The following STS variants were observed in gnomAD, a reference collection of about 807,000 sequenced individuals.
STS encodes steryl-sulfatase.
STS carries 7 observed loss-of-function variants against 26.8 expected under a neutral mutation model. The observed-to-expected ratio is 0.26, with a 90% CI of 0.15 to 0.49. The LOEUF (loss-of-function observed/expected upper bound fraction) is 0.49, where lower values mean the gene tolerates loss of function less well. Among genes scored for constraint, STS ranks in the 20% least tolerant of loss-of-function variants. The probability of loss-of-function intolerance (pLI) is 0.98; values close to 1 mark genes in which losing one functional copy is unlikely to be tolerated. For synonymous variants in STS, 199 were observed against 189.4 expected, an observed-to-expected ratio of 1.05 and a Z score of -0.42; for missense variants, 434 against 465.6, an observed-to-expected ratio of 0.93 and a Z score of 0.63.
chrX:7,250,400 C>CT (rs1363018432), intron 2 of STS, among the ~76,000 whole-genome samples: 4 of 102,634 alleles, frequency 3.9e-5, no homozygotes, highest in African/African-American at 1.1e-4. Context: ...TTAAACCATG[C>CT]TTTAAAAAAA....
intron 7 of STS, among the ~76,000 whole-genome samples, chrX:7,301,196 C>T (rs758898129): frequency 6.8e-5 from 7 of 103,285 alleles, no homozygotes; most frequent in East Asian, 3.1e-4. Context: ...GAGACCAGCC[C>T]GGGCAACAAA....
intron 1 of STS, among the ~76,000 whole-genome samples, chrX:7,189,136 G>A (rs1456052806): frequency 1.8e-5 from 2 of 111,475 alleles, no homozygotes; most frequent in Admixed American, 1.9e-4. Context: ...ATTTTTCTCT[G>A]ATGTGATATT....
rs200993070 is a variant in STS at position 7,350,001 on chromosome X, G to C, written c.1477G>C (p.Asp493His). ...TTTCGGGAGTTATGTCACCCATCACGACCCACCTTTACTCTTTGATATTTC... is the reference window on the plus strand; with the variant it reads ...TTTCGGGAGTTATGTCACCCATCACCACCCACCTTTACTCTTTGATATTTC... ...FCFGSYVTHHDPPLLFDISKD... is the reference protein window; with the variant it reads ...FCFGSYVTHHHPPLLFDISKD... Residue 493 changes from aspartate (D) to histidine (H), a missense_variant, in exon 11 of 11, where the codon GAC (aspartate) becomes CAC (histidine). Coordinates refer to ENST00000674429, the MANE Select transcript of STS (RefSeq NM_001320752.2). The C allele has an allele frequency of 4.1e-6, 5 of 1,209,708 alleles. No homozygotes were observed. Among genetic ancestry groups the C allele is most frequent in the Admixed American group, 2.2e-5 (1 of 45,725 alleles).
intron 8 of STS, among the ~76,000 whole-genome samples, chrX:7,321,253 C>T (rs1451195335): frequency 9.0e-6 from 1 of 111,068 alleles, no homozygotes; most frequent in African/African-American, 3.3e-5. Flanking sequence ...AAGGGAACAA[C>T]AGACTCTGGG....
intron 10 of STS, among the ~76,000 whole-genome samples, chrX:7,345,293 G>A (rs1277939005): frequency 9.0e-6 from 1 of 111,555 alleles, no homozygotes; most frequent in Non-Finnish European, 1.9e-5. Context: ...GCAGTTTTCC[G>A]GAGCTTATAT....
intron 1 of STS, among the ~76,000 whole-genome samples, chrX:7,162,868 A>C (rs1173391287): frequency 3.1e-5 from 3 of 96,810 alleles, no homozygotes; most frequent in Non-Finnish European, 6.2e-5. Context: ...AGCATGGTGA[A>C]ACCCCGTCTA....
intron 2 of STS, among the ~76,000 whole-genome samples, chrX:7,204,484 C>A (rs1022853532): frequency 1.4e-4 from 15 of 104,205 alleles, no homozygotes; most frequent in African/African-American, 5.0e-4. Context: ...TTCCTTCCTC[C>A]CTCCCTTCCT....
chrX:7,209,099 G>A (rs1771965437), intron 2 of STS, among the ~76,000 whole-genome samples: 1 of 111,504 alleles, frequency 9.0e-6, no homozygotes, highest in African/African-American at 3.3e-5. Flanking sequence ...AGTGTGAGGT[G>A]CCAGGGATCA....
chrX:7,350,328 A>G lies in STS; in HGVS notation c.*67A>G. 8.8e-7 allele frequency: 1 copy of G among 1,136,030 alleles called. No homozygotes were observed. Among genetic ancestry groups the G allele is most frequent in the Non-Finnish European group, 1.2e-6 (1 of 851,672 alleles). The allele number at this position is 1,136,030 out of a possible 1,213,427, so 93.6% of individuals were successfully genotyped here. On this transcript the variant is annotated 3_prime_UTR_variant, in exon 11 of 11. Transcript: ENST00000674429. The stretch of plus-strand genomic sequence containing the variant: ...CATCTTCACTACAAACACGCCTGAG[A>G]GTGGCACTGGGGAAACATAACTCCA...
At chrX:7,175,309 AACCCT>A (rs1281365713) in intron 1 of STS, among the ~76,000 whole-genome samples, 1 of 110,618 alleles carries the variant, frequency 9.0e-6, no homozygotes, top group Non-Finnish European at 1.9e-5. Context: ...AATGTGGCGA[AACCCT>A]GGCTCTACAA....
At chrX:7,349,395 G>A (rs761321118) in intron 10 of STS, among the ~76,000 whole-genome samples, 10 of 78,450 alleles carry the variant, frequency 1.3e-4, no homozygotes, top group Middle Eastern at 0.026. Flanking sequence ...GAGTGCAGTG[G>A]CACAATCTCA....
At chrX:7,293,409 T>A (rs1212074401) in intron 7 of STS, among the ~76,000 whole-genome samples, 8 of 111,804 alleles carry the variant, frequency 7.2e-5, no homozygotes, top group African/African-American at 2.6e-4. Context: ...CTGGTATGAG[T>A]GGCAGTGCTG....
In STS at chrX:7,325,388, T is replaced by G; in HGVS notation, c.1131T>G (p.Leu377=). The G allele has an allele frequency of 1.7e-6, 2 of 1,211,305 alleles. No homozygotes were observed. Among genetic ancestry groups the G allele is most frequent in the Non-Finnish European group, 2.2e-6 (2 of 895,294 alleles). ...GAGGTATCCGGGTTCCAGGCATCCT[T>G]CGTTGGCCCAGGGTGATACAGGCTG... is the stretch of plus-strand genomic sequence containing the variant. ...WEGGIRVPGI[L]RWPRVIQAGQ... The change falls in exon 9 of 11, where the codon CTT becomes CTG. Residue 377 remains leucine (L), a synonymous_variant. Transcript: ENST00000674429.
chrX:7,322,820 A>G (rs1296350456), intron 8 of STS, among the ~76,000 whole-genome samples: 1 of 111,647 alleles, frequency 9.0e-6, no homozygotes, highest in Non-Finnish European at 1.9e-5. Context: ...TTTGGGGTGA[A>G]ATATTTTGGT....
intron 2 of STS, among the ~76,000 whole-genome samples, chrX:7,208,651 T>C (rs1473634632): frequency 8.9e-6 from 1 of 112,067 alleles, no homozygotes; most frequent in Non-Finnish European, 1.9e-5. Flanking sequence ...CTTTCTTTCC[T>C]ACCTTCCTTC....
intron 8 of STS, among the ~76,000 whole-genome samples, chrX:7,317,214 A>G (rs1271849383): frequency 9.0e-6 from 1 of 111,638 alleles, no homozygotes; most frequent in Non-Finnish European, 1.9e-5. Context: ...CTCTACAAAA[A>G]GTTAAACTTA....
chrX:7,295,541 G>A (rs1397426152), intron 7 of STS, among the ~76,000 whole-genome samples: 1 of 110,762 alleles, frequency 9.0e-6, no homozygotes, highest in Non-Finnish European at 1.9e-5. Context: ...ATGAGAAAAC[G>A]TCTATAATGG....
intron 10 of STS, among the ~76,000 whole-genome samples, chrX:7,345,928 G>A (rs1427617205): frequency 9.0e-6 from 1 of 111,666 alleles, no homozygotes; most frequent in African/African-American, 3.3e-5. Context: ...GCTCATTTTC[G>A]GGGCTTCCTT....
chrX:7,238,211 T>C (rs1327978280), intron 2 of STS, among the ~76,000 whole-genome samples: 1 of 90,813 alleles, frequency 1.1e-5, no homozygotes, highest in East Asian at 3.3e-4. Flanking sequence ...GATAGATAGA[T>C]AGATAGATAG....
Sources: gnomAD v4.1 joint callset for allele counts (sites outside exome capture counted in the v4.1 genomes callset) on GRCh38, gnomAD v4.1.1 for gene constraint, MANE v1.5 for transcripts, NCBI Gene and HGNC (gene_info 2026-07-23, HGNC 2026-07-21) for gene names.